The following TSHZ3 variants were observed in gnomAD, a reference collection of about 807,000 sequenced individuals.
TSHZ3 encodes the protein teashirt zinc finger homeobox 3.
TSHZ3 carries 10 observed loss-of-function variants against 64.5 expected under a neutral mutation model. That is an observed-to-expected ratio of 0.16 (90% confidence interval 0.10 to 0.26). TSHZ3 has a LOEUF of 0.26. Among genes scored for constraint, TSHZ3 ranks in the 10% least tolerant of loss-of-function variants. The pLI is 1.00. For missense variants in TSHZ3, 1,242 were observed against 1,421.7 expected (o/e 0.87, Z 2.03); for synonymous variants, 608 against 593.1 (o/e 1.03, Z -0.36).
chr19:31,260,015 T>A (rs1370220262), intron 1 of TSHZ3, among the ~76,000 whole-genome samples: 2 of 152,224 alleles, frequency 1.3e-5, no homozygotes, highest in African/African-American at 4.8e-5. Context: ...ACTTCTATGA[T>A]GTGCATCTTT....
In TSHZ3 at chr19:31,275,395, G is replaced by C. The variant is rs1976209479; in HGVS notation, c.*1152C>G. 6.6e-6 allele frequency: 1 copy of C among 151,898 alleles called. No individual in the cohort carries two copies. The highest frequency in any genetic ancestry group is 1.5e-5 in the Non-Finnish European group (1 of 67,890). The allele number at this position is 151,898 out of a possible 1,614,324, so 9.4% of individuals were successfully genotyped here. On this transcript the variant is annotated 3_prime_UTR_variant, in exon 2 of 2. Coordinates refer to ENST00000240587, the MANE Select transcript of TSHZ3 (RefSeq NM_020856.4). ...GTATTACAGTACAAACATTTTAAAG[G>C]CTTTATCAATGTTTAGGAAATACAG...
intron 5 of TSHZ3, among the ~76,000 whole-genome samples, chr19:31,185,362 C>T (rs1974789234): frequency 6.6e-6 from 1 of 152,216 alleles, no homozygotes; most frequent in African/African-American, 2.4e-5. Flanking sequence ...AGCTCCCCAA[C>T]CCCAGCTTCC....
intron 5 of TSHZ3, among the ~76,000 whole-genome samples, chr19:31,200,414 T>A (rs1975064162): frequency 6.6e-6 from 1 of 152,198 alleles, no homozygotes; most frequent in Non-Finnish European, 1.5e-5. Flanking sequence ...AATGAGCTAC[T>A]AAGCCATAAA....
chr19:31,322,738 G>T (rs1916808524), intron 1 of TSHZ3, among the ~76,000 whole-genome samples: 1 of 152,200 alleles, frequency 6.6e-6, no homozygotes, highest in Admixed American at 6.5e-5. Context: ...CTTTTTGAAT[G>T]GATGAATGAG....
chr19:31,344,401 T>C (rs183177791), intron 1 of TSHZ3, among the ~76,000 whole-genome samples: 2 of 152,364 alleles, frequency 1.3e-5, no homozygotes, highest in East Asian at 1.9e-4. Context: ...TTTTTATTAA[T>C]TGTTTTACGA....
chr19:31,320,991 C>G (rs774175574), intron 1 of TSHZ3, among the ~76,000 whole-genome samples: 3 of 152,230 alleles, frequency 2.0e-5, no homozygotes, highest in Non-Finnish European at 4.4e-5. Context: ...CCTCAAGATC[C>G]ATCGTCCACA....
intron 4 of TSHZ3, among the ~76,000 whole-genome samples, chr19:31,209,902 G>C (rs1221747004): frequency 6.6e-6 from 1 of 152,018 alleles, no homozygotes; most frequent in East Asian, 1.9e-4. Context: ...GGTGTGTGGA[G>C]TGGTTGGGTG....
intron 1 of TSHZ3, among the ~76,000 whole-genome samples, chr19:31,345,543 T>C (rs759572421): frequency 2.0e-5 from 3 of 152,220 alleles, no homozygotes; most frequent in Non-Finnish European, 4.4e-5. Context: ...GGGGTCCAAG[T>C]CACTTTCACA....
chr19:31,222,186 C>T (rs1975402051), intron 4 of TSHZ3, among the ~76,000 whole-genome samples: 1 of 152,198 alleles, frequency 6.6e-6, no homozygotes, highest in Non-Finnish European at 1.5e-5. Flanking sequence ...GAATGTACAT[C>T]TGTAAGTGCA....
intron 4 of TSHZ3, among the ~76,000 whole-genome samples, chr19:31,225,131 T>C (rs895320064): frequency 6.6e-6 from 1 of 152,216 alleles, no homozygotes; most frequent in Admixed American, 6.5e-5. Context: ...AAAATGTTTT[T>C]CCTTCATGCA....
chr19:31,156,655 A>G (rs1043855554), intron 5 of TSHZ3, among the ~76,000 whole-genome samples: 2 of 152,196 alleles, frequency 1.3e-5, no homozygotes, highest in Admixed American at 6.5e-5. Context: ...GATTTCCTGC[A>G]TTGCAAAATC....
Position 31,160,088 on chromosome 19 carries a change from C to G in TSHZ3, n.810-3671G>C, listed in dbSNP as rs149276606. On this transcript the variant is annotated intron_variant and non_coding_transcript_variant, in intron 5 of 6. Coordinates refer to the TSHZ3 transcript ENST00000651361. Reference sequence around the variant, plus strand: ...TAGTGAGGGCTTACAATGGGCCAGGCCTTGTGTTTAAATATCAGTTGGTTT... The same window carrying G: ...TAGTGAGGGCTTACAATGGGCCAGGGCTTGTGTTTAAATATCAGTTGGTTT... 6.6e-5 allele frequency among the ~76,000 whole-genome samples: 10 copies of G among 152,298 alleles called. No individual in the cohort carries two copies. In the South Asian group the frequency reaches 1.0e-3, roughly 16 times the overall value.
chr19:31,340,113 T>C (rs184878402), intron 1 of TSHZ3, among the ~76,000 whole-genome samples: 2 of 152,078 alleles, frequency 1.3e-5, no homozygotes, highest in African/African-American at 4.8e-5. Context: ...CCCCCTTTCA[T>C]TAGCTCACTG....
intron 6 of TSHZ3, among the ~76,000 whole-genome samples, chr19:31,154,683 C>T (rs1343361390): frequency 1.3e-5 from 2 of 152,258 alleles, no homozygotes; most frequent in African/African-American, 4.8e-5. Flanking sequence ...AGAGACCAGA[C>T]TCCTATCACC....
chr19:31,279,150 G>T lies in TSHZ3; in HGVS notation c.643C>A (p.Arg215Ser), dbSNP rs368424576. 3.7e-6 allele frequency: 6 copies of T among 1,612,922 alleles called. No individual in the cohort carries two copies. In the African/African-American group the frequency reaches 8.0e-5, roughly 22 times the overall value. Reference sequence around the variant, plus strand: ...TAGGCAGCGCTGCAGTCCTTACAGCGGAACTTGCTGGCCCCCGTGAAGATG... The same window carrying T: ...TAGGCAGCGCTGCAGTCCTTACAGCTGAACTTGCTGGCCCCCGTGAAGATG... Reference protein sequence around the residue: ...GSIFTGASKFRCKDCSAAYDT... With the variant: ...GSIFTGASKFSCKDCSAAYDT... The change falls in exon 2 of 2, where the codon CGC (arginine) becomes AGC (serine). Residue 215 changes from arginine to serine, a missense_variant. By Grantham distance (110) the Arg-to-Ser change is moderately radical (BLOSUM62 -1). Around this residue, in one of 4 missense-constraint regions of TSHZ3, gnomAD observed 555 missense variants for 704.0 expected, o/e 0.79. Transcript: ENST00000240587. The surrounding 1 kb of genome is among the most constrained non-coding windows in gnomAD (Gnocchi z 6.4).
In TSHZ3 at chr19:31,257,328, G is replaced by A. The variant is rs1032557714; in HGVS notation, n.64-14453C>T. Among the ~76,000 whole-genome samples the A allele has an allele frequency of 1.4e-4, 22 of 152,326 alleles. No individual in the cohort carries two copies. In the South Asian group the frequency reaches 1.5e-3, roughly 10 times the overall value. On this transcript the variant is annotated intron_variant and non_coding_transcript_variant, in intron 1 of 6. Transcript: ENST00000651361. The stretch of plus-strand genomic sequence containing the variant: ...GGAAAGCCAACCAGAGTGTCTGAGC[G>A]ACTCTCATTCCCTTTGGTGCCTTAG...
intron 3 of TSHZ3, among the ~76,000 whole-genome samples, chr19:31,236,013 A>T (rs1975609501): frequency 6.6e-6 from 1 of 152,070 alleles, no homozygotes. Context: ...CGTATTTGTT[A>T]TTCATTCATG....
At chr19:31,257,884 C>T (rs1309415967) in intron 1 of TSHZ3, among the ~76,000 whole-genome samples, 1 of 152,206 alleles carries the variant, frequency 6.6e-6, no homozygotes, top group South Asian at 2.1e-4. Context: ...AAGCCTTCAG[C>T]CCCAGCTGTC....
chr19:31,239,706 G>A (rs574192398), intron 3 of TSHZ3, among the ~76,000 whole-genome samples: 1 of 151,874 alleles, frequency 6.6e-6, no homozygotes, highest in South Asian at 2.1e-4. Flanking sequence ...AACCTCTCAA[G>A]TAGCTGGAGA....
Sources: allele counts gnomAD v4.1 joint callset (sites outside exome capture counted in the v4.1 genomes callset), GRCh38; gene constraint gnomAD v4.1.1; regional missense constraint gnomAD v4.1.1; non-coding constraint Gnocchi (gnomAD v3.1); transcripts MANE v1.5; gene names NCBI Gene and HGNC (gene_info 2026-07-23, HGNC 2026-07-21).